Variants in FER1L6 observed in about 807,000 individuals in gnomAD.
FER1L6 encodes the protein fer-1-like protein 6.
In FER1L6, 177 loss-of-function variants were observed where a neutral mutation model predicts 219.2. That is an observed-to-expected ratio of 0.81 (90% CI 0.71 to 0.91). The LOEUF (loss-of-function observed/expected upper bound fraction) is 0.91. Among genes scored for constraint, FER1L6 ranks in the 40% least tolerant of loss-of-function variants. The pLI is 0.00. For synonymous variants in FER1L6, 768 were observed against 824.3 expected (o/e 0.93, Z 1.17); for missense variants, 2,153 against 2,259.9 (o/e 0.95, Z 0.96).
At chr8:123,855,149 G>A (rs1317657946) in intron 1 of FER1L6, among the ~76,000 whole-genome samples, 2 of 152,148 alleles carry the variant, frequency 1.3e-5, no homozygotes, top group Admixed American at 6.5e-5. Flanking sequence ...TTGCCCAGGG[G>A]ACAGATGAAA....
At position 124,071,563 on chromosome 8, in the gene FER1L6, C is replaced by T. The variant is rs751190225; in HGVS notation, c.4024C>T (p.Leu1342=). The change falls in exon 31 of 41, where the codon CTG becomes TTG. Residue 1342 remains leucine, a synonymous_variant. Transcript: ENST00000522917. Reference sequence around the variant, plus strand: ...TTCTAGCTCTGAGGACAGCGGGCAGCTGAGAATCCAGCAAGGGATTCCGCC... The same window carrying T: ...TTCTAGCTCTGAGGACAGCGGGCAGTTGAGAATCCAGCAAGGGATTCCGCC... ...QDSSSEDSGQ[L]RIQQGIPPNH... is the part of the protein sequence containing the mutation. 1 of 1,614,164 alleles carries T rather than the reference C, an allele frequency of 6.2e-7. No individual in the cohort carries two copies. Among genetic ancestry groups the T allele is most frequent in the East Asian group, 2.2e-5 (1 of 44,878 alleles).
intron 33 of FER1L6, among the ~76,000 whole-genome samples, chr8:124,088,553 T>C (rs1244554719): frequency 4.6e-5 from 7 of 151,830 alleles, no homozygotes; most frequent in Admixed American, 4.6e-4. Context: ...CCCTGTCCTT[T>C]CGTCAAGCAG....
rs1351321684 is a variant in FER1L6, at chr8:123,852,177, A to G, written c.-16A>G. 1 of 152,274 alleles carries G rather than the reference A, an allele frequency of 6.6e-6. No homozygotes were observed. Among genetic ancestry groups the G allele is most frequent in the Non-Finnish European group, 1.5e-5 (1 of 68,072 alleles). The allele number at this position is 152,274 out of a possible 1,614,324, so 9.4% of individuals were successfully genotyped here. On this transcript the variant is annotated 5_prime_UTR_variant, in exon 1 of 41. Transcript: ENST00000522917. The surrounding 1 kb of genome is among the most constrained non-coding windows in gnomAD (Gnocchi z 4.9). ...GTGTGGACCATCGTGAAGGTGGACA[A>G]GGCATTTTGTAAGTCCATAGATAAT...
At chr8:124,054,047 A>T (rs1820169333) in intron 22 of FER1L6, among the ~76,000 whole-genome samples, 1 of 152,066 alleles carries the variant, frequency 6.6e-6, no homozygotes, top group African/African-American at 2.4e-5. Context: ...CCATGTCTTT[A>T]TCCACAGCCA....
chr8:123,976,170 A>C lies in FER1L6; in HGVS notation c.870+86A>C, dbSNP rs1816063982. The C allele has an allele frequency of 2.6e-6, 3 of 1,163,950 alleles. No individual in the cohort carries two copies. The East Asian group carries it at 7.5e-5, about 29-fold the overall frequency. The allele number at this position is 1,163,950 out of a possible 1,614,324, so 72.1% of individuals were successfully genotyped here. ...TATGTTTAATCAAATCAAATTAATA[A>C]AAATTAGGAAGTGCCTTGAAAGCAA... On this transcript the variant is annotated intron_variant, in intron 9 of 40. Transcript: ENST00000522917.
At position 124,096,888 on chromosome 8, in the gene FER1L6, T is replaced by C. The variant is rs187562591; in HGVS notation, c.4696-383T>C. 9.1e-4 allele frequency among the ~76,000 whole-genome samples: 139 copies of C among 152,244 alleles called. 1 individual carries two copies. The highest frequency in any genetic ancestry group is 3.1e-3 in the African/African-American group (128 of 41,530). On this transcript the variant is annotated intron_variant, in intron 35 of 40. Coordinates refer to ENST00000522917, the MANE Select transcript of FER1L6 (RefSeq NM_001039112.2). ...TCTGCTACATATTGTCTATTAAGCATGGGCAAAATGTTTTTTCCTCTGTCA... is the reference window on the plus strand; with the variant it reads ...TCTGCTACATATTGTCTATTAAGCACGGGCAAAATGTTTTTTCCTCTGTCA...
At chr8:124,065,822 C>T (rs757402758) in intron 26 of FER1L6, among the ~76,000 whole-genome samples, 10 of 152,148 alleles carry the variant, frequency 6.6e-5, no homozygotes, top group African/African-American at 1.4e-4. Context: ...GCAGGACACC[C>T]GTCTTCTTCC....
chr8:124,105,561 T>C (rs1343744195), intron 39 of FER1L6, among the ~76,000 whole-genome samples: 1 of 152,174 alleles, frequency 6.6e-6, no homozygotes, highest in Non-Finnish European at 1.5e-5. Flanking sequence ...AAATAGGAAC[T>C]CAGAGAGGAG....
intron 6 of FER1L6, among the ~76,000 whole-genome samples, chr8:123,972,393 G>A (rs1050977104): frequency 6.6e-5 from 10 of 152,226 alleles, no homozygotes. Context: ...CATGTGATGG[G>A]TGGATGACAG....
chr8:124,086,875 G>GT (rs970972259), intron 33 of FER1L6, among the ~76,000 whole-genome samples: 14 of 151,938 alleles, frequency 9.2e-5, no homozygotes, highest in Admixed American at 2.0e-4. Context: ...TAAGCTAAAA[G>GT]TTTTTTTTCC....
intron 18 of FER1L6, among the ~76,000 whole-genome samples, chr8:124,030,518 A>G (rs1818910907): frequency 6.6e-6 from 1 of 152,108 alleles, no homozygotes; most frequent in Non-Finnish European, 1.5e-5. Context: ...CATCACCGAA[A>G]GGAAACCCTT....
At chr8:123,975,070 G>T (rs1409429147) in intron 7 of FER1L6, 80 bp from the exon 8 acceptor site, 2 of 1,321,080 alleles carry the variant, frequency 1.5e-6, no homozygotes, top group Admixed American at 2.5e-5. Flanking sequence ...AGCCTGGGAG[G>T]CCTTGGCGTG....
chr8:124,000,093 G>A (rs974457731), intron 12 of FER1L6, among the ~76,000 whole-genome samples: 7 of 152,186 alleles, frequency 4.6e-5, no homozygotes, highest in Non-Finnish European at 7.3e-5. Context: ...TGGTCTAGAT[G>A]CTCCCTCCTT....
At position 123,976,054 on chromosome 8, in the gene FER1L6, C is replaced by T; in HGVS notation, c.840C>T (p.Pro280=). Residue 280 remains proline, a synonymous_variant, in exon 9 of 41, where the codon CCC becomes CCT. Coordinates refer to ENST00000522917, the MANE Select transcript of FER1L6 (RefSeq NM_001039112.2). ...GTGACAGTAAGGACCTGGTGGATCC[C>T]TTTGTGGAGGTCTCCTTTGCTGGGC... is the stretch of plus-strand genomic sequence containing the variant. ...FVGDSKDLVD[P]FVEVSFAGQM... 21 of 1,613,608 alleles carry T rather than the reference C, an allele frequency of 1.3e-5. No homozygotes were observed. Among genetic ancestry groups the T allele is most frequent in the Non-Finnish European group, 1.8e-5 (21 of 1,179,814 alleles).
chr8:123,983,222 C>G (rs548833746), intron 11 of FER1L6, among the ~76,000 whole-genome samples: 1 of 152,190 alleles, frequency 6.6e-6, no homozygotes, highest in African/African-American at 2.4e-5. Context: ...CTCCCCTCTC[C>G]CCAGCTGCAG....
At chr8:124,089,788 C>T (rs192220330) in intron 33 of FER1L6, among the ~76,000 whole-genome samples, 1 of 152,272 alleles carries the variant, frequency 6.6e-6, no homozygotes, top group East Asian at 1.9e-4. Flanking sequence ...GCTATTTTCT[C>T]CCTAACCAGA....
intron 13 of FER1L6, among the ~76,000 whole-genome samples, chr8:124,005,431 C>T (rs1361761843): frequency 6.6e-6 from 1 of 152,224 alleles, no homozygotes; most frequent in Non-Finnish European, 1.5e-5. Context: ...TGCTTCTGGA[C>T]CTTAGAACAC....
chr8:123,958,735 A>T (rs1453700435), intron 2 of FER1L6, among the ~76,000 whole-genome samples: 3 of 151,842 alleles, frequency 2.0e-5, no homozygotes, highest in African/African-American at 7.3e-5. Flanking sequence ...GCTGAAATGG[A>T]GACTGCTGGG....
rs1817913948 is a variant in FER1L6, at chr8:124,011,395, A to G, written c.1821+681A>G. 1.3e-5 allele frequency among the ~76,000 whole-genome samples: 2 copies of G among 152,084 alleles called. 1 individual carries two copies. Among genetic ancestry groups the G allele is most frequent in the South Asian group, 4.2e-4 (2 of 4,818 alleles). ...TTTTGAGAAGGGGTCTTGCTTTGTC[A>G]CTCAGGCTGGAATGCAGTGGCACAA... On this transcript the variant is annotated intron_variant, in intron 14 of 40. Transcript: ENST00000522917.
Sources: allele counts gnomAD v4.1 joint callset (sites outside exome capture counted in the v4.1 genomes callset), GRCh38; gene constraint gnomAD v4.1.1; non-coding constraint Gnocchi (gnomAD v3.1); transcripts MANE v1.5; gene names NCBI Gene and HGNC (gene_info 2026-07-23, HGNC 2026-07-21).